Variants in C8orf34 observed in about 807,000 individuals in gnomAD.
C8orf34 encodes the protein chromosome 8 open reading frame 34.
C8orf34 carries 65 observed loss-of-function variants against 68.3 expected under a neutral mutation model. The ratio of observed to expected loss-of-function variants is 0.95; its 90% CI spans 0.78 to 1.17. C8orf34 has a LOEUF of 1.17. C8orf34 is among the 50% of genes most tolerant of loss of function. C8orf34 has a pLI of 0.00. For synonymous variants in C8orf34, 244 were observed against 241.2 expected (o/e 1.01, Z -0.11); for missense variants, 664 against 655.4 (o/e 1.01, Z -0.14).
chr8:68,677,318 A>G (rs982582755), intron 8 of C8orf34, among the ~76,000 whole-genome samples: 21 of 152,208 alleles, frequency 1.4e-4, no homozygotes, highest in Non-Finnish European at 1.2e-4. Context: ...ACCTACATCA[A>G]AAAAGTAGAA....
At chr8:68,716,943 C>T (rs771182404) in intron 9 of C8orf34, among the ~76,000 whole-genome samples, 3 of 151,762 alleles carry the variant, frequency 2.0e-5, no homozygotes, top group Admixed American at 2.0e-4. Context: ...TGTACAAATA[C>T]ATCCCCTGTA....
intron 7 of C8orf34, among the ~76,000 whole-genome samples, chr8:68,538,400 C>T (rs911902594): frequency 6.6e-6 from 1 of 151,358 alleles, no homozygotes; most frequent in Non-Finnish European, 1.5e-5. Flanking sequence ...CTGGTGACTA[C>T]ATATGACCTT....
chr8:68,339,504 GA>G (rs1554595998), intron 1 of C8orf34, among the ~76,000 whole-genome samples: 1 of 151,634 alleles, frequency 6.6e-6, no homozygotes, highest in Non-Finnish European at 1.5e-5. Context: ...AAAAGTTAAA[GA>G]ATATCTAAAT....
At chr8:68,385,458 G>A (rs977112605) in intron 1 of C8orf34, among the ~76,000 whole-genome samples, 1 of 152,154 alleles carries the variant, frequency 6.6e-6, no homozygotes, top group Non-Finnish European at 1.5e-5. Flanking sequence ...CAGAAGATAA[G>A]ATTAATTGAC....
chr8:68,755,786 G>A (rs1472346899), intron 10 of C8orf34, among the ~76,000 whole-genome samples: 1 of 152,116 alleles, frequency 6.6e-6, no homozygotes, highest in African/African-American at 2.4e-5. Context: ...AACTGGCCAG[G>A]CGCGGTGGCT....
At chr8:68,373,261 C>A (rs1807640753) in intron 1 of C8orf34, among the ~76,000 whole-genome samples, 2 of 152,172 alleles carry the variant, frequency 1.3e-5, no homozygotes, top group Admixed American at 6.5e-5. Flanking sequence ...TCCCAAATTG[C>A]TGGAATTACA....
At position 68,819,017 on chromosome 8, in the gene C8orf34, T is replaced by G. The variant is rs982313345; in HGVS notation, c.*771T>G. 3 of 152,180 alleles carry G rather than the reference T, an allele frequency of 2.0e-5. No homozygotes were observed. The highest frequency in any genetic ancestry group is 7.2e-5 in the African/African-American group (3 of 41,454). The allele number at this position is 152,180 out of a possible 1,614,324, so 9.4% of individuals were successfully genotyped here. Reference sequence around the variant, plus strand: ...ATGGATCTAAGTAAATCTATTGATATCTCTACTGTCTGTTTTATTTTATTT... The same window carrying G: ...ATGGATCTAAGTAAATCTATTGATAGCTCTACTGTCTGTTTTATTTTATTT... On this transcript the variant is annotated 3_prime_UTR_variant, in exon 14 of 14. Transcript: ENST00000518698.
intron 1 of C8orf34, among the ~76,000 whole-genome samples, chr8:68,394,283 C>T (rs1191707892): frequency 7.0e-6 from 1 of 143,188 alleles, no homozygotes; most frequent in African/African-American, 2.6e-5. Context: ...GTTCCCCTTC[C>T]TGTGTCCATA....
chr8:68,744,760 G>A (rs1053864819), intron 10 of C8orf34, among the ~76,000 whole-genome samples: 12 of 152,162 alleles, frequency 7.9e-5, no homozygotes, highest in Non-Finnish European at 1.8e-4. Flanking sequence ...ATGTCTGATT[G>A]GTGTACCTGA....
intron 1 of C8orf34, among the ~76,000 whole-genome samples, chr8:68,371,631 G>A (rs191743117): frequency 5.5e-5 from 8 of 146,648 alleles, no homozygotes; most frequent in African/African-American, 1.5e-4. Flanking sequence ...ACGGAGTCTC[G>A]CTCTGTTGCC....
intron 10 of C8orf34, among the ~76,000 whole-genome samples, chr8:68,751,014 T>C (rs978857145): frequency 2.0e-5 from 3 of 152,130 alleles, no homozygotes; most frequent in Non-Finnish European, 4.4e-5. Flanking sequence ...TATTTTGTTG[T>C]TCCAAAATTG....
At chr8:68,431,701 A>G (rs1810458429) in intron 1 of C8orf34, among the ~76,000 whole-genome samples, 1 of 152,226 alleles carries the variant, frequency 6.6e-6, no homozygotes, top group South Asian at 2.1e-4. Context: ...TCTCTGTATT[A>G]GTAGGCATCA....
intron 12 of C8orf34, among the ~76,000 whole-genome samples, chr8:68,803,244 T>A (rs1041854836): frequency 7.9e-5 from 12 of 151,926 alleles, no homozygotes; most frequent in Non-Finnish European, 1.5e-4. Flanking sequence ...AACATAGATA[T>A]AAAAATTCTA....
At chr8:68,553,093 T>C (rs1243661083) in intron 7 of C8orf34, among the ~76,000 whole-genome samples, 2 of 151,994 alleles carry the variant, frequency 1.3e-5, no homozygotes, top group Admixed American at 1.3e-4. Context: ...TGAAAACATA[T>C]CCTCCACTGG....
At chr8:68,387,645 G>C (rs777607822) in intron 1 of C8orf34, among the ~76,000 whole-genome samples, 59 of 152,130 alleles carry the variant, frequency 3.9e-4, no homozygotes, top group South Asian at 3.5e-3. Context: ...AGGCAAAAGA[G>C]TTTCCTTCAT....
chr8:68,396,435 C>T (rs189942932), intron 1 of C8orf34, among the ~76,000 whole-genome samples: 1 of 152,020 alleles, frequency 6.6e-6, no homozygotes, highest in East Asian at 1.9e-4. Context: ...GCCCCCTCAC[C>T]TGTAAAGCAA....
chr8:68,708,978 A>G lies in C8orf34; in HGVS notation c.1242-16A>G, dbSNP rs1416465997. On this transcript the variant is annotated splice_polypyrimidine_tract_variant and intron_variant, in intron 8 of 13. Coordinates refer to ENST00000518698, the MANE Select transcript of C8orf34 (RefSeq NM_052958.4). The stretch of plus-strand genomic sequence containing the variant: ...AACATTATGAGATGTTTCAATGATC[A>G]TTTTTAATTATTTAGGCTTCAAGGA... 7.0e-6 allele frequency: 11 copies of G among 1,565,898 alleles called. No individual in the cohort carries two copies. Among genetic ancestry groups the G allele is most frequent in the African/African-American group, 1.4e-5 (1 of 73,538 alleles).
At chr8:68,597,574 TG>T (rs1439710782) in intron 7 of C8orf34, among the ~76,000 whole-genome samples, 1 of 32,458 alleles carries the variant, frequency 3.1e-5, no homozygotes, top group Non-Finnish European at 6.1e-5. Context: ...CACATTGTGG[TG>T]GTGTGTGTGT....
rs536607382 is a variant in C8orf34, at chr8:68,345,852, G to A, written c.327+14513G>A. Among the ~76,000 whole-genome samples, 5 of 151,722 alleles carry A rather than the reference G, an allele frequency of 3.3e-5. No homozygotes were observed. The East Asian group carries it at 9.7e-4, about 29-fold the overall frequency. ...TTATACATTTAAAAAATACACAATAGCATTTAGAAAAAAATTTACCATGAT... is the reference window on the plus strand; with the variant it reads ...TTATACATTTAAAAAATACACAATAACATTTAGAAAAAAATTTACCATGAT... On this transcript the variant is annotated intron_variant, in intron 1 of 13. Coordinates refer to ENST00000518698, the MANE Select transcript of C8orf34 (RefSeq NM_052958.4).
Sources: gnomAD v4.1 joint callset for allele counts (sites outside exome capture counted in the v4.1 genomes callset) on GRCh38, gnomAD v4.1.1 for gene constraint, MANE v1.5 for transcripts, NCBI Gene and HGNC (gene_info 2026-07-23, HGNC 2026-07-21) for gene names.